Variants in CPNE4 observed in about 807,000 individuals in gnomAD.
CPNE4 encodes the protein copine 4.
CPNE4 carries 25 observed loss-of-function variants against 67.9 expected under a neutral mutation model. The ratio of observed to expected loss-of-function variants is 0.37; its 90% confidence interval spans 0.27 to 0.51. The LOEUF is 0.51. CPNE4 is among the 20% of genes least tolerant of loss of function. CPNE4 has a pLI of 0.93. For synonymous variants in CPNE4, 242 were observed against 244.9 expected (o/e 0.99, Z 0.11); for missense variants, 464 against 690.8 (o/e 0.67, Z 3.68).
At chr3:131,895,580 A>G (rs544747039) in intron 2 of CPNE4, among the ~76,000 whole-genome samples, 2 of 151,900 alleles carry the variant, frequency 1.3e-5, no homozygotes, top group South Asian at 4.2e-4. Flanking sequence ...TGTTTTTCAT[A>G]AACTGAATAT....
intron 1 of CPNE4, among the ~76,000 whole-genome samples, chr3:132,027,987 T>C (rs1188605389): frequency 3.3e-5 from 5 of 152,248 alleles, no homozygotes; most frequent in Non-Finnish European, 7.3e-5. Flanking sequence ...CTTGGTTATA[T>C]TTCTATTACA....
Position 131,823,311 on chromosome 3 carries a change from G to T in CPNE4, c.180+81953C>A, listed in dbSNP as rs533367272. Among the ~76,000 whole-genome samples, 303 of 152,262 alleles carry T rather than the reference G, an allele frequency of 2.0e-3. 1 individual carries two copies. Among genetic ancestry groups the T allele is most frequent in the Non-Finnish European group, 3.6e-3 (242 of 68,030 alleles). ...TACAGATTGCTGGGCAATTTTCACC[G>T]AATGAATGTGTGGAAAGGTTAGCAA... On this transcript the variant is annotated intron_variant, in intron 2 of 15. Coordinates refer to ENST00000429747, the MANE Select transcript of CPNE4 (RefSeq NM_130808.3).
At chr3:131,930,498 T>G (rs1013240925) in intron 1 of CPNE4, among the ~76,000 whole-genome samples, 2 of 152,154 alleles carry the variant, frequency 1.3e-5, no homozygotes, top group Non-Finnish European at 2.9e-5. Context: ...TGTGGGTATC[T>G]ATGGGACAGA....
chr3:131,990,081 A>G (rs1257446694), intron 1 of CPNE4, among the ~76,000 whole-genome samples: 1 of 136,638 alleles, frequency 7.3e-6, no homozygotes, highest in African/African-American at 2.5e-5. Flanking sequence ...CCATTGTTTC[A>G]CTGGTAACTT....
Position 131,960,326 on chromosome 3 carries a change from C to T in CPNE4, c.-1-54882G>A, listed in dbSNP as rs1182773354. On this transcript the variant is annotated intron_variant, in intron 1 of 15. Transcript: ENST00000429747. The stretch of plus-strand genomic sequence containing the variant: ...AAAGATGTCTCATTACCATAACTTA[C>T]ATCAGAAGAAAAAAGAATATAGGCT... Among the ~76,000 whole-genome samples the T allele has an allele frequency of 2.6e-5, 4 of 152,202 alleles. No homozygotes were observed. In the East Asian group the frequency reaches 5.8e-4, roughly 22 times the overall value.
chr3:132,019,934 A>G (rs2073958218), intron 1 of CPNE4, among the ~76,000 whole-genome samples: 1 of 152,170 alleles, frequency 6.6e-6, no homozygotes, highest in African/African-American at 2.4e-5. Context: ...GGGAAAGGCC[A>G]TTTAAACTTG....
intron 2 of CPNE4, among the ~76,000 whole-genome samples, chr3:131,897,988 T>C (rs994852783): frequency 3.9e-5 from 6 of 152,056 alleles, no homozygotes; most frequent in African/African-American, 1.4e-4. Flanking sequence ...ACAATATATA[T>C]AAAGTGCTTA....
intron 7 of CPNE4, among the ~76,000 whole-genome samples, chr3:131,663,642 A>C (rs886696898): frequency 6.6e-6 from 1 of 152,140 alleles, no homozygotes; most frequent in Non-Finnish European, 1.5e-5. Flanking sequence ...TTAACAGAGC[A>C]CTTTTCTGAT....
intron 2 of CPNE4, among the ~76,000 whole-genome samples, chr3:131,887,969 G>A (rs552800164): frequency 2.6e-5 from 4 of 152,126 alleles, no homozygotes; most frequent in Non-Finnish European, 5.9e-5. Flanking sequence ...TGCTCCAACT[G>A]GAAGTCCTAG....
intron 7 of CPNE4, among the ~76,000 whole-genome samples, chr3:131,657,215 C>T (rs966633871): frequency 6.6e-6 from 1 of 151,802 alleles, no homozygotes; most frequent in African/African-American, 2.4e-5. Flanking sequence ...TAAAGATGAC[C>T]CTGAAGTTTA....
At chr3:131,969,834 C>T (rs2072456508) in intron 1 of CPNE4, among the ~76,000 whole-genome samples, 1 of 152,136 alleles carries the variant, frequency 6.6e-6, no homozygotes, top group African/African-American at 2.4e-5. Flanking sequence ...GAAATCAGAC[C>T]TAAGGACCTC....
intron 7 of CPNE4, among the ~76,000 whole-genome samples, chr3:131,613,499 T>G (rs1192969465): frequency 6.6e-6 from 1 of 152,158 alleles, no homozygotes. Context: ...AGAAGTTTAG[T>G]TTTTATGATG....
intron 2 of CPNE4, among the ~76,000 whole-genome samples, chr3:131,825,931 A>T (rs773532386): frequency 4.4e-4 from 67 of 152,346 alleles, no homozygotes; most frequent in Non-Finnish European, 8.7e-4. Flanking sequence ...TATATTCTAT[A>T]TGCCCTTGGG....
At chr3:131,881,792 C>T (rs906919858) in intron 2 of CPNE4, among the ~76,000 whole-genome samples, 9 of 152,184 alleles carry the variant, frequency 5.9e-5, no homozygotes, top group African/African-American at 2.2e-4. Context: ...TATTTCCTTA[C>T]TCCCCTTACG....
intron 2 of CPNE4, among the ~76,000 whole-genome samples, chr3:131,901,583 C>T (rs1220224011): frequency 6.6e-6 from 1 of 151,990 alleles, no homozygotes. Context: ...ATGGCTCACA[C>T]CTGTAATTCC....
chr3:131,868,355 C>T (rs1446258606), intron 2 of CPNE4, among the ~76,000 whole-genome samples: 1 of 152,136 alleles, frequency 6.6e-6, no homozygotes, highest in Non-Finnish European at 1.5e-5. Flanking sequence ...TTCCTCCTTC[C>T]TTTTTCTTTC....
intron 1 of CPNE4, among the ~76,000 whole-genome samples, chr3:131,905,848 T>A (rs1219551332): frequency 6.6e-6 from 1 of 152,190 alleles, no homozygotes; most frequent in African/African-American, 2.4e-5. Flanking sequence ...TTTTCAAGAC[T>A]AAAAATCCAA....
At chr3:131,820,725 A>G (rs953240521) in intron 2 of CPNE4, among the ~76,000 whole-genome samples, 2 of 152,246 alleles carry the variant, frequency 1.3e-5, no homozygotes, top group Non-Finnish European at 2.9e-5. Flanking sequence ...TTCTGATCCC[A>G]GAAACACACA....
Position 131,669,673 on chromosome 3 carries a change from A to C in CPNE4, c.681+2T>G. The C allele has an allele frequency of 6.2e-7, 1 of 1,600,376 alleles. No homozygotes were observed. The highest frequency in any genetic ancestry group is 8.5e-7 in the Non-Finnish European group (1 of 1,171,742). On this transcript the variant is annotated splice_donor_variant, in intron 7 of 15. Coordinates refer to ENST00000429747, the MANE Select transcript of CPNE4 (RefSeq NM_130808.3). LOFTEE classifies it high-confidence loss of function. The stretch of plus-strand genomic sequence containing the variant: ...CACATTTCTTGGACACAGATTTCTG[A>C]CCTTTAGCCGGCGGTCTGGGTCTCC...
Sources: allele counts gnomAD v4.1 joint callset (sites outside exome capture counted in the v4.1 genomes callset), GRCh38; gene constraint gnomAD v4.1.1; transcripts MANE v1.5; gene names NCBI Gene and HGNC (gene_info 2026-07-23, HGNC 2026-07-21).